Variants in CPPED1 observed in about 807,000 individuals in gnomAD.
The protein encoded by CPPED1 is serine/threonine-protein phosphatase CPPED1.
Under a neutral mutation model 28.0 loss-of-function variants are expected in CPPED1, and 28 were observed. The ratio of observed to expected loss-of-function variants is 1.00; its 90% confidence interval spans 0.74 to 1.37. The LOEUF (loss-of-function observed/expected upper bound fraction) is 1.37, where lower values mean the gene tolerates loss of function less well. CPPED1 is among the 40% of genes most tolerant of loss of function. The pLI, the probability that CPPED1 is intolerant of heterozygous loss-of-function variation, is 0.00. For missense variants in CPPED1, 504 were observed against 416.5 expected (o/e 1.21, Z -1.83); for synonymous variants, 198 against 180.2 (o/e 1.10, Z -0.79).
intron 2 of CPPED1, among the ~76,000 whole-genome samples, chr16:12,766,706 T>C (rs1187761091): frequency 6.6e-6 from 1 of 152,074 alleles, no homozygotes; most frequent in Admixed American, 6.6e-5. Context: ...GGGGCGCAGG[T>C]TGCAGTGAGC....
chr16:12,751,082 T>A (rs2080325286), intron 2 of CPPED1, among the ~76,000 whole-genome samples: 1 of 151,402 alleles, frequency 6.6e-6, no homozygotes, highest in East Asian at 1.9e-4. Flanking sequence ...ATCTATAAAG[T>A]ACAATCAAGA....
chr16:12,779,662 C>T (rs1255678212), intron 2 of CPPED1, among the ~76,000 whole-genome samples: 1 of 152,034 alleles, frequency 6.6e-6, no homozygotes. Flanking sequence ...AGCACATAAG[C>T]CACCGCGCCC....
intron 2 of CPPED1, among the ~76,000 whole-genome samples, chr16:12,733,412 T>A (rs950050462): frequency 6.6e-6 from 1 of 151,914 alleles, no homozygotes; most frequent in African/African-American, 2.4e-5. Flanking sequence ...GTAGTTAGGA[T>A]TACAGGCGCC....
chr16:12,787,715 A>G lies in CPPED1; in HGVS notation c.71-6312T>C, dbSNP rs141919668. Reference sequence around the variant, plus strand: ...CCACCACACCTGGCCAGCGAATTTAACTTTTTCAACGTTAATTTTTTGACA... The same window carrying G: ...CCACCACACCTGGCCAGCGAATTTAGCTTTTTCAACGTTAATTTTTTGACA... On this transcript the variant is annotated intron_variant, in intron 1 of 3. Transcript: ENST00000381774. Among the ~76,000 whole-genome samples the G allele has an allele frequency of 5.1e-3, 774 of 152,136 alleles. 12 individuals carry two copies. The highest frequency in any genetic ancestry group is 0.011 in the African/African-American group (447 of 41,506).
In CPPED1 at chr16:12,664,876, G is replaced by C. The variant is rs1433062360; in HGVS notation, c.*10C>G. On this transcript the variant is annotated 3_prime_UTR_variant, in exon 4 of 4. Transcript: ENST00000381774. The surrounding 1 kb of genome is among the most constrained non-coding windows in gnomAD (Gnocchi z 4.2). Reference sequence around the variant, plus strand: ...TGCAAGTGAAAAGTGAACGGGAACGGGAAGGAGCGTCATTTTTTCTTGATC... The same window carrying C: ...TGCAAGTGAAAAGTGAACGGGAACGCGAAGGAGCGTCATTTTTTCTTGATC... 1 of 1,608,772 alleles carries C rather than the reference G, an allele frequency of 6.2e-7. No homozygotes were observed.
chr16:12,700,089 T>C (rs1239670939), intron 3 of CPPED1, among the ~76,000 whole-genome samples: 1 of 152,150 alleles, frequency 6.6e-6, no homozygotes, highest in African/African-American at 2.4e-5. Context: ...CTAAGATTTG[T>C]TCTGTGTTTG....
intron 2 of CPPED1, among the ~76,000 whole-genome samples, chr16:12,728,954 A>T (rs751557761): frequency 1.3e-5 from 2 of 151,936 alleles, no homozygotes; most frequent in Non-Finnish European, 2.9e-5. Flanking sequence ...AGTGAATGGG[A>T]CCCCCTGTCT....
rs775739910 is a variant in CPPED1, at chr16:12,704,608, G to A, written c.715+16C>T. On this transcript the variant is annotated intron_variant, in intron 3 of 3. Transcript: ENST00000381774. ...CTTGTCCTTCCTCCCTGAAACCCGT[G>A]GCCCGGGGCCTCTACCTGCGTGGAT... The A allele has an allele frequency of 1.3e-6, 2 of 1,593,004 alleles. No individual in the cohort carries two copies. The highest frequency in any genetic ancestry group is 3.4e-5 in the Admixed American group (2 of 59,032).
intron 3 of CPPED1, among the ~76,000 whole-genome samples, chr16:12,677,938 G>C (rs1357539435): frequency 2.6e-5 from 4 of 152,294 alleles, no homozygotes; most frequent in South Asian, 2.1e-4. Context: ...GCCTTCCTTT[G>C]TAGCGTGAAA....
intron 2 of CPPED1, among the ~76,000 whole-genome samples, chr16:12,720,693 G>A (rs550208067): frequency 4.6e-5 from 7 of 152,292 alleles, no homozygotes; most frequent in Non-Finnish European, 8.8e-5. Context: ...TCACCATGTT[G>A]GCCAGGCTGG....
At chr16:12,796,338 T>C (rs1017285795) in intron 1 of CPPED1, among the ~76,000 whole-genome samples, 1 of 149,348 alleles carries the variant, frequency 6.7e-6, no homozygotes, top group East Asian at 2.0e-4. Flanking sequence ...TACTAAAAAA[T>C]ACAAAAATTA....
rs557342491 is a variant in CPPED1, at chr16:12,765,563, A to G, written c.289+15622T>C. On this transcript the variant is annotated intron_variant, in intron 2 of 3. Coordinates refer to ENST00000381774, the MANE Select transcript of CPPED1 (RefSeq NM_018340.3). ...TCCAAGTGAAATTTGTTACATTGCT[A>G]CCTTGCAGATCAATACAAAATTTCT... Among the ~76,000 whole-genome samples the G allele has an allele frequency of 4.9e-4, 75 of 152,386 alleles. 1 individual carries two copies. The highest frequency in any genetic ancestry group is 3.8e-4 in the East Asian group (2 of 5,196).
At chr16:12,791,311 C>T (rs780247680) in intron 1 of CPPED1, among the ~76,000 whole-genome samples, 79 of 152,114 alleles carry the variant, frequency 5.2e-4, no homozygotes, top group Admixed American at 2.0e-4. Context: ...TGAGAACATG[C>T]GGTGTTTGGT....
At chr16:12,776,272 AG>A (rs1211001722) in intron 2 of CPPED1, among the ~76,000 whole-genome samples, 1 of 152,228 alleles carries the variant, frequency 6.6e-6, no homozygotes, top group Non-Finnish European at 1.5e-5. Context: ...AACCCCTAGA[AG>A]GAACACACCG....
chr16:12,723,535 G>A (rs906824509), intron 2 of CPPED1, among the ~76,000 whole-genome samples: 12 of 152,098 alleles, frequency 7.9e-5, no homozygotes, highest in African/African-American at 2.4e-4. Context: ...GGGAGAAGTC[G>A]GCCATCTGCA....
At position 12,749,304 on chromosome 16, in the gene CPPED1, G is replaced by A. The variant is rs367938315; in HGVS notation, c.289+31881C>T. Among the ~76,000 whole-genome samples the A allele has an allele frequency of 2.2e-4, 34 of 152,246 alleles. 2 individuals are homozygous for A. The South Asian group carries it at 6.4e-3, about 29-fold the overall frequency. On this transcript the variant is annotated intron_variant, in intron 2 of 3. Coordinates refer to ENST00000381774, the MANE Select transcript of CPPED1 (RefSeq NM_018340.3). ...CTTTGTTGTCATTTCAGCAATGTTCGCAGCATCTTCACCAAGAGTAGATTC... is the reference window on the plus strand; with the variant it reads ...CTTTGTTGTCATTTCAGCAATGTTCACAGCATCTTCACCAAGAGTAGATTC...
chr16:12,773,496 G>A (rs2080481159), intron 2 of CPPED1, among the ~76,000 whole-genome samples: 1 of 152,166 alleles, frequency 6.6e-6, no homozygotes, highest in African/African-American at 2.4e-5. Context: ...GACGAGGCAA[G>A]CAGATCACTT....
At chr16:12,750,703 G>C (rs1027307295) in intron 2 of CPPED1, among the ~76,000 whole-genome samples, 1 of 152,212 alleles carries the variant, frequency 6.6e-6, no homozygotes, top group Non-Finnish European at 1.5e-5. Context: ...GGGCGCAGTG[G>C]CTCACGCCTA....
intron 2 of CPPED1, among the ~76,000 whole-genome samples, chr16:12,779,342 C>G (rs572900861): frequency 6.6e-6 from 1 of 152,140 alleles, no homozygotes; most frequent in Admixed American, 6.5e-5. Flanking sequence ...CTTTAGCCTC[C>G]TCAGTAGCTG....
Sources: gnomAD v4.1 joint callset for allele counts (sites outside exome capture counted in the v4.1 genomes callset) on GRCh38, gnomAD v4.1.1 for gene constraint, Gnocchi (gnomAD v3.1) non-coding constraint, MANE v1.5 for transcripts, NCBI Gene and HGNC (gene_info 2026-07-23, HGNC 2026-07-21) for gene names.